FGD5: variants seen among roughly 807,000 people sequenced by gnomAD.
FGD5 encodes the protein FYVE, RhoGEF and PH domain containing 5.
In FGD5, 28 loss-of-function variants were observed where a neutral mutation model predicts 133.4. The ratio of observed to expected loss-of-function variants is 0.21; its 90% CI spans 0.16 to 0.29. The LOEUF (loss-of-function observed/expected upper bound fraction) is 0.29. Among genes scored for constraint, FGD5 ranks in the 10% least tolerant of loss-of-function variants. The probability of loss-of-function intolerance (pLI) is 1.00; values close to 1 mark genes in which losing one functional copy is unlikely to be tolerated. For missense variants in FGD5, 1,858 were observed against 1,895.2 expected (o/e 0.98, Z 0.36); for synonymous variants, 810 against 776.5 (o/e 1.04, Z -0.72).
chr3:14,894,924 C>G (rs2038103989), intron 4 of FGD5, among the ~76,000 whole-genome samples: 4 of 151,756 alleles, frequency 2.6e-5, no homozygotes, highest in Non-Finnish European at 4.4e-5. Flanking sequence ...GAGATGATAC[C>G]TTGTAGTTTT....
At chr3:14,887,375 C>G (rs902449) in intron 4 of FGD5, among the ~76,000 whole-genome samples, 105,228 of 150,950 alleles carry the variant, frequency 0.7, 36,746 homozygotes, top group Non-Finnish European at 0.72. Flanking sequence ...CCTATCCTTT[C>G]TTCAGACAAA....
chr3:14,847,406 G>T (rs1176865291), intron 1 of FGD5, among the ~76,000 whole-genome samples: 1 of 152,176 alleles, frequency 6.6e-6, no homozygotes, highest in Non-Finnish European at 1.5e-5. Flanking sequence ...CTGACTCCTA[G>T]AACAGTGCTT....
At position 14,827,616 on chromosome 3, in the gene FGD5, A is replaced by C. The variant is rs555910047; in HGVS notation, c.2525+6020A>C. Among the ~76,000 whole-genome samples the C allele has an allele frequency of 2.6e-5, 4 of 152,216 alleles. No individual in the cohort carries two copies. In the South Asian group the frequency reaches 8.3e-4, roughly 32 times the overall value. On this transcript the variant is annotated intron_variant, in intron 1 of 19. Transcript: ENST00000285046. Reference sequence around the variant, plus strand: ...GGTCCAGGAGACTCAAGGAAAAGTGAAAGGACACCTTTCTTTTCTGCTGGC... The same window carrying C: ...GGTCCAGGAGACTCAAGGAAAAGTGCAAGGACACCTTTCTTTTCTGCTGGC...
intron 1 of FGD5, among the ~76,000 whole-genome samples, chr3:14,824,678 A>T (rs1181967749): frequency 6.6e-6 from 1 of 152,130 alleles, no homozygotes; most frequent in Non-Finnish European, 1.5e-5. Context: ...GACTTCATTT[A>T]CCATTTCCAT....
At chr3:14,865,855 G>A (rs2037484553) in intron 2 of FGD5, among the ~76,000 whole-genome samples, 1 of 152,182 alleles carries the variant, frequency 6.6e-6, no homozygotes, top group Non-Finnish European at 1.5e-5. Context: ...CTCCCAAGAA[G>A]GAGTATTGTC....
intron 1 of FGD5, among the ~76,000 whole-genome samples, chr3:14,848,560 T>C (rs2037099431): frequency 6.6e-6 from 1 of 152,166 alleles, no homozygotes. Context: ...GGCACCTCAC[T>C]TATACCACAA....
chr3:14,877,204 G>A (rs1402778381), intron 2 of FGD5, among the ~76,000 whole-genome samples: 1 of 152,232 alleles, frequency 6.6e-6, no homozygotes, highest in Non-Finnish European at 1.5e-5. Flanking sequence ...TGGCCCAGTT[G>A]GGCAACGCCC....
intron 1 of FGD5, among the ~76,000 whole-genome samples, chr3:14,852,821 G>A (rs1372327156): frequency 2.6e-5 from 4 of 152,182 alleles, no homozygotes; most frequent in Non-Finnish European, 5.9e-5. Context: ...CATTCTCTCC[G>A]AGAGGCGTGA....
intron 9 of FGD5, among the ~76,000 whole-genome samples, chr3:14,901,718 ATG>A (rs1473499004): frequency 3.3e-5 from 5 of 152,190 alleles, no homozygotes; most frequent in Non-Finnish European, 7.3e-5. Context: ...GATGATGGCC[ATG>A]TGTGCCGAGG....
chr3:14,884,395 C>T (rs1014689251), intron 4 of FGD5, among the ~76,000 whole-genome samples: 23 of 152,328 alleles, frequency 1.5e-4, no homozygotes, highest in African/African-American at 5.1e-4. Context: ...CCCTGTCCAC[C>T]TCTCTGGCAG....
intron 1 of FGD5, among the ~76,000 whole-genome samples, chr3:14,836,794 G>A (rs1220595466): frequency 6.6e-6 from 1 of 152,164 alleles, no homozygotes; most frequent in Non-Finnish European, 1.5e-5. Flanking sequence ...AATATGATAG[G>A]AAAGTGAGCA....
Position 14,819,296 on chromosome 3 carries a change from G to C in FGD5, c.225G>C (p.Glu75Asp). The change falls in exon 1 of 20, where the codon GAG (glutamate) becomes GAC (aspartate). Residue 75 changes from glutamate (E) to aspartate (D), a missense_variant. Glu to Asp is a conservative substitution (Grantham distance 45). This residue lies in a region of FGD5 where 1,824 missense variants were observed against 1,848.9 expected (regional missense o/e 0.99). Coordinates refer to ENST00000285046, the MANE Select transcript of FGD5 (RefSeq NM_152536.4). This position sits in a 1 kb window ranked among gnomAD's most constrained non-coding sequence, Gnocchi z 4.1. The stretch of plus-strand genomic sequence containing the variant: ...TGGTCCCCAGGGTTCCGCTGAGGGA[G>C]GATGAACCCAAGGACGAGGGCAGTG... ...YIVVPRVPLREDEPKDEGSVG... is the reference protein window; with the variant it reads ...YIVVPRVPLRDDEPKDEGSVG... 2 of 1,530,632 alleles carry C rather than the reference G, an allele frequency of 1.3e-6. No homozygotes were observed. The highest frequency in any genetic ancestry group is 1.8e-6 in the Non-Finnish European group (2 of 1,136,026). The allele number at this position is 1,530,632 out of a possible 1,614,324, so 94.8% of individuals were successfully genotyped here. A position where few individuals can be genotyped will look rare whatever the true frequency, so the allele number is the denominator to read the frequency against.
chr3:14,830,374 A>C (rs951573604), intron 1 of FGD5, among the ~76,000 whole-genome samples: 1 of 152,244 alleles, frequency 6.6e-6, no homozygotes, highest in Admixed American at 6.5e-5. Context: ...TAAATGCAAT[A>C]AAATTTACAG....
chr3:14,886,414 A>G (rs765424006), intron 4 of FGD5, among the ~76,000 whole-genome samples: 4 of 152,244 alleles, frequency 2.6e-5, no homozygotes, highest in Non-Finnish European at 4.4e-5. Flanking sequence ...AGCTCTTCCC[A>G]TGGCGATGGC....
chr3:14,832,999 A>G (rs942557683), intron 1 of FGD5, among the ~76,000 whole-genome samples: 5 of 152,216 alleles, frequency 3.3e-5, no homozygotes, highest in South Asian at 4.1e-4. Flanking sequence ...ATCCGTGCTT[A>G]TAATACTCAG....
chr3:14,852,511 C>G lies in FGD5; in HGVS notation c.2526-11617C>G, dbSNP rs187961283. ...AGATAACGGTGTTGGCCACACAACT[C>G]TTTCAAATATACTAATATACTAAAA... On this transcript the variant is annotated intron_variant, in intron 1 of 19. Coordinates refer to ENST00000285046, the MANE Select transcript of FGD5 (RefSeq NM_152536.4). Among the ~76,000 whole-genome samples the G allele has an allele frequency of 3.9e-3, 600 of 152,308 alleles. 6 individuals are homozygous for G. Among genetic ancestry groups the G allele is most frequent in the Admixed American group, 8.0e-3 (122 of 15,296 alleles).
intron 13 of FGD5, among the ~76,000 whole-genome samples, chr3:14,919,766 A>G (rs974868900): frequency 6.6e-6 from 1 of 152,194 alleles, no homozygotes; most frequent in African/African-American, 2.4e-5. Context: ...TGGTTCAAAG[A>G]CGGTGCCTTC....
chr3:14,853,128 G>T (rs1028257482), intron 1 of FGD5, among the ~76,000 whole-genome samples: 2 of 152,084 alleles, frequency 1.3e-5, no homozygotes, highest in African/African-American at 4.8e-5. Flanking sequence ...TTTGTCTTCC[G>T]TGGTCCCAGT....
chr3:14,818,593 G>A (rs2036416941), upstream of FGD5, among the ~76,000 whole-genome samples: 1 of 152,194 alleles, frequency 6.6e-6, no homozygotes. Flanking sequence ...AGCAAGTTCA[G>A]CCTTTTCCCA....
Sources: gnomAD v4.1 joint callset for allele counts (sites outside exome capture counted in the v4.1 genomes callset) on GRCh38, gnomAD v4.1.1 for gene constraint, gnomAD v4.1.1 regional missense constraint, Gnocchi (gnomAD v3.1) non-coding constraint, MANE v1.5 for transcripts, NCBI Gene and HGNC (gene_info 2026-07-23, HGNC 2026-07-21) for gene names.